The following MSRA variants were observed in gnomAD, a reference collection of about 807,000 sequenced individuals.
The protein encoded by MSRA is methionine sulfoxide reductase A, also known as mitochondrial peptide methionine sulfoxide reductase.
In MSRA, 54 loss-of-function variants were observed where a neutral mutation model predicts 31.3. The observed-to-expected ratio is 1.73, with a 90% CI of 1.39 to 2.17. The LOEUF (loss-of-function observed/expected upper bound fraction) is 2.17. Among genes scored for constraint, MSRA ranks in the 30% most tolerant of loss-of-function variants. MSRA has a pLI of 0.00. For synonymous variants in MSRA, 169 were observed against 116.5 expected (o/e 1.45, Z -2.90); for missense variants, 507 against 300.9 (o/e 1.69, Z -5.07).
chr8:10,085,082 A>G (rs913535844), intron 1 of MSRA, among the ~76,000 whole-genome samples: 17 of 152,178 alleles, frequency 1.1e-4, no homozygotes, highest in African/African-American at 3.9e-4. Flanking sequence ...ACAGTGCTCA[A>G]ATGCCTGAAG....
intron 1 of MSRA, among the ~76,000 whole-genome samples, chr8:10,133,864 T>C (rs2129026933): frequency 6.6e-6 from 1 of 152,302 alleles, no homozygotes; most frequent in East Asian, 1.9e-4. Context: ...GGAGTCTCGC[T>C]CTGTCGCCCA....
chr8:10,161,978 G>C (rs1804699421), intron 1 of MSRA, among the ~76,000 whole-genome samples: 1 of 152,198 alleles, frequency 6.6e-6, no homozygotes, highest in African/African-American at 2.4e-5. Context: ...GCATGGTCCT[G>C]TGCGGATCCC....
chr8:10,084,634 C>G (rs1337820849), intron 1 of MSRA, among the ~76,000 whole-genome samples: 1 of 152,110 alleles, frequency 6.6e-6, no homozygotes, highest in Non-Finnish European at 1.5e-5. Context: ...CCTTAGTTTC[C>G]TAGGGTGAAA....
chr8:10,335,250 G>T (rs200969918), intron 5 of MSRA, among the ~76,000 whole-genome samples: 53 of 79,844 alleles, frequency 6.6e-4, no homozygotes, highest in South Asian at 1.6e-3. Flanking sequence ...TCCCAGCTCT[G>T]TTTTTTTTTT....
intron 1 of MSRA, among the ~76,000 whole-genome samples, chr8:10,196,733 A>AT (rs1331809209): frequency 8.2e-5 from 12 of 146,834 alleles, no homozygotes; most frequent in South Asian, 2.2e-4. Context: ...TTTATTTTTA[A>AT]TTTTTTTTTT....
At chr8:10,260,281 C>G (rs971998057) in intron 3 of MSRA, among the ~76,000 whole-genome samples, 8 of 152,118 alleles carry the variant, frequency 5.3e-5, no homozygotes, top group African/African-American at 1.9e-4. Context: ...TATGCAAGAG[C>G]TGTTTAATAC....
intron 1 of MSRA, among the ~76,000 whole-genome samples, chr8:10,179,735 A>T (rs527325208): frequency 1.4e-4 from 22 of 152,322 alleles, no homozygotes; most frequent in Admixed American, 1.3e-3. Context: ...TCTCATGTGT[A>T]AAATGGAGAG....
At chr8:10,281,090 T>C (rs1799598442) in intron 3 of MSRA, among the ~76,000 whole-genome samples, 1 of 152,186 alleles carries the variant, frequency 6.6e-6, no homozygotes, top group African/African-American at 2.4e-5. Flanking sequence ...GTGGTAATGA[T>C]TACCCAACTG....
intron 4 of MSRA, among the ~76,000 whole-genome samples, chr8:10,308,457 C>T (rs543236518): frequency 2.6e-5 from 4 of 152,336 alleles, no homozygotes; most frequent in Non-Finnish European, 4.4e-5. Context: ...CAGTAGTCTA[C>T]TAACTGGCCT....
chr8:10,422,263 G>A (rs1808859826), intron 5 of MSRA, among the ~76,000 whole-genome samples: 1 of 152,156 alleles, frequency 6.6e-6, no homozygotes, highest in African/African-American at 2.4e-5. Context: ...TCCAGCCTGG[G>A]TGGCAGAGCA....
At chr8:10,378,519 G>T (rs566730031) in intron 5 of MSRA, among the ~76,000 whole-genome samples, 3 of 152,300 alleles carry the variant, frequency 2.0e-5, no homozygotes, top group Admixed American at 2.0e-4. Context: ...CTTTGACGGT[G>T]AACAGGCTGG....
At chr8:10,226,630 G>C (rs1025127772) in intron 2 of MSRA, among the ~76,000 whole-genome samples, 1 of 152,214 alleles carries the variant, frequency 6.6e-6, no homozygotes, top group Non-Finnish European at 1.5e-5. Flanking sequence ...GACACATTTA[G>C]GAAATAGAAA....
At chr8:10,186,651 C>T (rs1807081131) in intron 1 of MSRA, among the ~76,000 whole-genome samples, 1 of 152,160 alleles carries the variant, frequency 6.6e-6, no homozygotes, top group South Asian at 2.1e-4. Flanking sequence ...CCTGAAAGCG[C>T]ATACAATTTA....
intron 1 of MSRA, 123 bp from the exon 2 acceptor site, chr8:10,207,710 G>C: frequency 2.5e-6 from 2 of 795,252 alleles, no homozygotes; most frequent in South Asian, 3.9e-5. Flanking sequence ...TCTCTTCAGA[G>C]GGTAAGCTTG....
At chr8:10,065,588 T>C (rs1162128935) in intron 1 of MSRA, among the ~76,000 whole-genome samples, 2 of 152,214 alleles carry the variant, frequency 1.3e-5, no homozygotes, top group Non-Finnish European at 2.9e-5. Flanking sequence ...GTGTAAGATA[T>C]GAACCAAAGG....
intron 2 of MSRA, among the ~76,000 whole-genome samples, chr8:10,217,958 A>T (rs907410145): frequency 3.9e-5 from 6 of 152,178 alleles, no homozygotes; most frequent in African/African-American, 1.4e-4. Flanking sequence ...TAAGAAATTA[A>T]ATAATTCAGC....
chr8:10,222,894 T>G (rs1014163491), intron 2 of MSRA, among the ~76,000 whole-genome samples: 1 of 152,116 alleles, frequency 6.6e-6, no homozygotes, highest in Non-Finnish European at 1.5e-5. Context: ...GTTCTGGAGA[T>G]CTTGGTGACT....
At chr8:10,365,918 C>T (rs1209211100) in intron 5 of MSRA, among the ~76,000 whole-genome samples, 2 of 152,212 alleles carry the variant, frequency 1.3e-5, no homozygotes, top group African/African-American at 4.8e-5. Context: ...CCTACCTCTG[C>T]ATACTTGCCT....
At position 10,067,788 on chromosome 8, in the gene MSRA, A is replaced by T. The variant is rs190520447; in HGVS notation, c.142+13130A>T. ...TATATGCTGATGAAGATCTTTCCTG[A>T]GCTTATTTGCCATATTATGTTTTCT... On this transcript the variant is annotated intron_variant, in intron 1 of 5. Transcript: ENST00000317173. Among the ~76,000 whole-genome samples the T allele has an allele frequency of 2.0e-3, 301 of 148,742 alleles. 2 individuals carry two copies. Among genetic ancestry groups the T allele is most frequent in the African/African-American group, 7.1e-3 (286 of 40,380 alleles).
Sources: allele counts gnomAD v4.1 joint callset (sites outside exome capture counted in the v4.1 genomes callset), GRCh38; gene constraint gnomAD v4.1.1; transcripts MANE v1.5; gene names NCBI Gene and HGNC (gene_info 2026-07-23, HGNC 2026-07-21).